GCNT2: variants seen among roughly 807,000 people sequenced by gnomAD.
GCNT2 encodes N-acetyllactosaminide beta-1,6-N-acetylglucosaminyl-transferase.
In GCNT2, 34 loss-of-function variants were observed where a neutral mutation model predicts 34.2. That is an observed-to-expected ratio of 1.00 (90% CI 0.76 to 1.32). GCNT2 has a LOEUF of 1.32. GCNT2 is among the 40% of genes most tolerant of loss of function. The pLI is 0.00. For missense variants in GCNT2, 584 were observed against 489.4 expected (o/e 1.19, Z -1.82); for synonymous variants, 212 against 188.0 (o/e 1.13, Z -1.04).
intron 3 of GCNT2, among the ~76,000 whole-genome samples, chr6:10,617,308 G>GAGTGCT (rs1336917119): frequency 1.2e-4 from 18 of 152,178 alleles, no homozygotes; most frequent in Admixed American, 1.2e-3. Context: ...CGGCTTCTCC[G>GAGTGCT]AGTGCTGGGC....
chr6:10,590,593 C>T (rs1342610823), intron 3 of GCNT2, among the ~76,000 whole-genome samples: 1 of 148,494 alleles, frequency 6.7e-6, no homozygotes, highest in East Asian at 2.0e-4. Context: ...CTTGCTCTGT[C>T]GCCAGGCTGA....
intron 3 of GCNT2, among the ~76,000 whole-genome samples, chr6:10,594,176 T>C (rs1405830882): frequency 6.6e-6 from 1 of 152,200 alleles, no homozygotes; most frequent in Non-Finnish European, 1.5e-5. Context: ...CCCCAGAATT[T>C]GCATTTCTAA....
chr6:10,595,268 T>G (rs529036327), intron 3 of GCNT2, among the ~76,000 whole-genome samples: 26 of 151,714 alleles, frequency 1.7e-4, no homozygotes, highest in African/African-American at 5.3e-4. Context: ...TTGTGTTGCT[T>G]TATTTTCTTT....
At chr6:10,575,886 C>T (rs1040831717) in intron 3 of GCNT2, among the ~76,000 whole-genome samples, 4 of 152,116 alleles carry the variant, frequency 2.6e-5, no homozygotes, top group African/African-American at 9.7e-5. Context: ...AACAAACCCC[C>T]TTTGACTGTA....
intron 3 of GCNT2, among the ~76,000 whole-genome samples, chr6:10,564,776 A>G (rs1398720728): frequency 6.6e-6 from 1 of 152,252 alleles, no homozygotes; most frequent in Admixed American, 6.5e-5. Flanking sequence ...TTCATCTATA[A>G]GATGGATATT....
Position 10,573,350 on chromosome 6 carries a change from A to ATTG in GCNT2, c.925+43523_925+43525dup, listed in dbSNP as rs3064207. On this transcript the variant is annotated intron_variant, in intron 3 of 4. Transcript: ENST00000495262. ...GATAAAGTTTTCATTTGTGGGTTTT[A>ATTG]TTGTTGTTGTTATCTTTGCTTGGGC... 1.7e-4 allele frequency: 146 copies of ATTG among 869,492 alleles called. 1 individual carries two copies. Among genetic ancestry groups the ATTG allele is most frequent in the South Asian group, 3.2e-4 (6 of 18,824 alleles). 53.9% of individuals were successfully genotyped at this position (869,492 alleles called of 1,614,324 possible).
chr6:10,536,290 T>C (rs960895710), intron 3 of GCNT2, among the ~76,000 whole-genome samples: 1 of 152,206 alleles, frequency 6.6e-6, no homozygotes, highest in African/African-American at 2.4e-5. Flanking sequence ...TTGGGGATTT[T>C]TACTATTAGC....
intron 1 of GCNT2, among the ~76,000 whole-genome samples, chr6:10,526,099 G>T (rs1225836324): frequency 5.4e-4 from 82 of 152,200 alleles, no homozygotes; most frequent in Admixed American, 5.4e-3. Context: ...AAAAATTAGA[G>T]AAATTTTAGT....
rs563886606 is a variant in GCNT2, at chr6:10,543,826, G to GT, written c.925+13991dup. On this transcript the variant is annotated intron_variant, in intron 3 of 4. Transcript: ENST00000495262. ...CTGAGGACACTGAGATATGGAGTCTGTATTACTTGCCCAAGGACGCCCAGC... is the reference window on the plus strand; with the variant it reads ...CTGAGGACACTGAGATATGGAGTCTGTTATTACTTGCCCAAGGACGCCCAGC... Among the ~76,000 whole-genome samples the GT allele has an allele frequency of 4.5e-3, 685 of 152,266 alleles. 6 individuals are homozygous for GT. Among genetic ancestry groups the GT allele is most frequent in the Middle Eastern group, 0.01 (3 of 294 alleles).
At chr6:10,585,835 G>A (rs1764318028) in intron 3 of GCNT2, 6 of 1,478,262 alleles carry the variant, frequency 4.1e-6, no homozygotes, top group Non-Finnish European at 5.3e-6. Flanking sequence ...CCGAAGCAGA[G>A]GATACAGGAG....
At chr6:10,572,462 G>A (rs576952429) in intron 3 of GCNT2, among the ~76,000 whole-genome samples, 3 of 152,236 alleles carry the variant, frequency 2.0e-5, no homozygotes, top group East Asian at 1.9e-4. Flanking sequence ...TGTGGCTCAC[G>A]CCTGTAATCC....
intron 3 of GCNT2, among the ~76,000 whole-genome samples, chr6:10,532,535 C>A (rs1761545255): frequency 6.6e-6 from 1 of 152,174 alleles, no homozygotes; most frequent in Non-Finnish European, 1.5e-5. Context: ...GCTGGGATTA[C>A]AGGTGTGAGC....
chr6:10,607,686 A>G (rs920076501), intron 3 of GCNT2, among the ~76,000 whole-genome samples: 5 of 110,984 alleles, frequency 4.5e-5, no homozygotes, highest in Non-Finnish European at 1.2e-4. Flanking sequence ...GAAAAGCCCT[A>G]ACTTACAGAC....
In GCNT2 at chr6:10,626,687, C is replaced by T. The variant is rs1766272067; in HGVS notation, c.*80C>T. ...TGTTTTTGTGAGAGACTTTTGCCTTCGTAATGTTAACCGTTTCAGGACCAC... is the reference window on the plus strand; with the variant it reads ...TGTTTTTGTGAGAGACTTTTGCCTTTGTAATGTTAACCGTTTCAGGACCAC... On this transcript the variant is annotated 3_prime_UTR_variant, in exon 5 of 5. Transcript: ENST00000495262. The T allele has an allele frequency of 2.8e-6, 3 of 1,068,352 alleles. No individual in the cohort carries two copies. Among genetic ancestry groups the T allele is most frequent in the East Asian group, 2.4e-5 (1 of 41,990 alleles). The allele number at this position is 1,068,352 out of a possible 1,614,324, so 66.2% of individuals were successfully genotyped here. A position where few individuals can be genotyped will look rare whatever the true frequency, so the allele number is the denominator to read the frequency against.
At position 10,626,831 on chromosome 6, in the gene GCNT2, T is replaced by C. The variant is rs1250285149; in HGVS notation, c.*224T>C. ...TGGGCACTTTGGCCAATTTTAGTCT[T>C]GCTGTTTCTTGATGCTCACCTCTAT... On this transcript the variant is annotated 3_prime_UTR_variant, in exon 5 of 5. Transcript: ENST00000495262. The C allele has an allele frequency of 3.6e-6, 2 of 557,724 alleles. No homozygotes were observed. The highest frequency in any genetic ancestry group is 6.4e-6 in the Non-Finnish European group (2 of 310,514). 34.5% of individuals were successfully genotyped at this position (557,724 alleles called of 1,614,324 possible).
At chr6:10,606,897 C>G (rs9348601) in intron 3 of GCNT2, among the ~76,000 whole-genome samples, 66,634 of 151,576 alleles carry the variant, frequency 0.44, 16,818 homozygotes, top group East Asian at 0.64. Flanking sequence ...AGTCCATTCC[C>G]ATTGCAATAA....
At chr6:10,607,457 A>C (rs1351635740) in intron 3 of GCNT2, among the ~76,000 whole-genome samples, 1 of 152,142 alleles carries the variant, frequency 6.6e-6, no homozygotes, top group Non-Finnish European at 1.5e-5. Flanking sequence ...GTGCTAAACC[A>C]CTGGAAAACG....
At chr6:10,609,977 G>A (rs1256540828) in intron 3 of GCNT2, among the ~76,000 whole-genome samples, 5 of 152,192 alleles carry the variant, frequency 3.3e-5, no homozygotes, top group African/African-American at 1.2e-4. Context: ...AAATAGAAGG[G>A]TGACAGGATC....
chr6:10,575,878 C>CA (rs1329971436), intron 3 of GCNT2, among the ~76,000 whole-genome samples: 1 of 152,016 alleles, frequency 6.6e-6, no homozygotes, highest in Non-Finnish European at 1.5e-5. Context: ...CGCCAGAGAA[C>CA]AAACCCCCTT....
Sources: gnomAD v4.1 joint callset for allele counts (sites outside exome capture counted in the v4.1 genomes callset) on GRCh38, gnomAD v4.1.1 for gene constraint, MANE v1.5 for transcripts, NCBI Gene and HGNC (gene_info 2026-07-23, HGNC 2026-07-21) for gene names.